ADRA1A: variants seen among roughly 807,000 people sequenced by gnomAD.
ADRA1A encodes the protein alpha-1A adrenergic receptor.
A neutral mutation model predicts 29.6 loss-of-function variants in ADRA1A; 31 were observed. The observed-to-expected ratio is 1.05, with a 90% CI of 0.79 to 1.41. The LOEUF (loss-of-function observed/expected upper bound fraction) is 1.41, where lower values mean the gene tolerates loss of function less well. Ranked by LOEUF, ADRA1A falls within the 40% of genes most tolerant of loss-of-function variation. The pLI, the probability that ADRA1A is intolerant of heterozygous loss-of-function variation, is 0.00. For synonymous variants in ADRA1A, 311 were observed against 254.3 expected (o/e 1.22, Z -2.12); for missense variants, 619 against 601.1 (o/e 1.03, Z -0.31).
At chr8:26,847,203 A>C (rs1244795299) in intron 2 of ADRA1A, among the ~76,000 whole-genome samples, 6 of 152,128 alleles carry the variant, frequency 3.9e-5, no homozygotes, top group Admixed American at 3.9e-4. Context: ...CATGTACCCT[A>C]AAACTTAAAG....
At chr8:26,757,997 AGCCTTGGATACTCTTGTTCTG>A (rs1435998260) in intron 2 of ADRA1A, among the ~76,000 whole-genome samples, 1 of 152,232 alleles carries the variant, frequency 6.6e-6, no homozygotes, top group African/African-American at 2.4e-5. Flanking sequence ...GACAAACGCC[AGCCTTGGATACTCTTGTTCTG>A]GGCTGTCTAC....
intron 2 of ADRA1A, among the ~76,000 whole-genome samples, chr8:26,812,261 A>G (rs968367711): frequency 1.3e-5 from 2 of 152,000 alleles, no homozygotes; most frequent in African/African-American, 4.8e-5. Flanking sequence ...AGCAGTGGCA[A>G]CTCCTGGTGA....
intron 2 of ADRA1A, among the ~76,000 whole-genome samples, chr8:26,833,608 G>T (rs1000600848): frequency 2.6e-5 from 4 of 152,170 alleles, no homozygotes; most frequent in Non-Finnish European, 4.4e-5. Flanking sequence ...AAAACATGTA[G>T]GAACCTGATA....
rs954072507 is a variant in ADRA1A, at chr8:26,866,763, G to T, written c.-687+173C>A. On this transcript the variant is annotated intron_variant, in intron 1 of 2. Transcript: ENST00000380573. The surrounding 1 kb of genome is among the most constrained non-coding windows in gnomAD (Gnocchi z 5.7). ...TAAAAAGACACTTGTTCAGTAGAAG[G>T]CAACTTCGCAGAAGATGTAAGGGAA... is the stretch of plus-strand genomic sequence containing the variant. 2.0e-5 allele frequency among the ~76,000 whole-genome samples: 3 copies of T among 152,216 alleles called. No individual in the cohort carries two copies. Among genetic ancestry groups the T allele is most frequent in the African/African-American group, 7.2e-5 (3 of 41,462 alleles).
intron 2 of ADRA1A, among the ~76,000 whole-genome samples, chr8:26,790,149 T>G (rs1259968687): frequency 6.6e-6 from 1 of 152,184 alleles, no homozygotes; most frequent in Non-Finnish European, 1.5e-5. Context: ...AAGGGATCTC[T>G]GCACTTCTGT....
At position 26,787,421 on chromosome 8, in the gene ADRA1A, T is replaced by C. The variant is rs147635412; in HGVS notation, c.884-16755A>G. 1.9e-3 allele frequency among the ~76,000 whole-genome samples: 297 copies of C among 152,312 alleles called. 1 individual carries two copies. The highest frequency in any genetic ancestry group is 6.7e-3 in the African/African-American group (280 of 41,574). ...GAAAAAAAACCCACACATACTATAT[T>C]CTGTCTGAAAAGACTTTGACAAAAT... On this transcript the variant is annotated intron_variant, in intron 2 of 2. Transcript: ENST00000380573. This position sits in a 1 kb window ranked among gnomAD's most constrained non-coding sequence, Gnocchi z 4.2.
chr8:26,769,702 C>T lies in ADRA1A; in HGVS notation c.*447G>A, dbSNP rs1479415435. 3.0e-6 allele frequency: 3 copies of T among 987,858 alleles called. No individual in the cohort carries two copies. The highest frequency in any genetic ancestry group is 3.6e-6 in the Non-Finnish European group (3 of 831,766). 61.2% of individuals were successfully genotyped at this position (987,858 alleles called of 1,614,324 possible). A position where few individuals can be genotyped will look rare whatever the true frequency, so the allele number is the denominator to read the frequency against. On this transcript the variant is annotated 3_prime_UTR_variant, in exon 3 of 3. Transcript: ENST00000380573. ...AATGCTCTTCCTCTCTAGGCCCTCTCCCCATAAATGTCAAATGTGGCTGTC... is the reference window on the plus strand; with the variant it reads ...AATGCTCTTCCTCTCTAGGCCCTCTTCCCATAAATGTCAAATGTGGCTGTC...
chr8:26,773,980 A>G (rs578238277), intron 2 of ADRA1A, among the ~76,000 whole-genome samples: 2 of 152,360 alleles, frequency 1.3e-5, no homozygotes, highest in East Asian at 3.9e-4. Context: ...AAGAGAGTTG[A>G]TTAAAACTAA....
At chr8:26,748,706 T>C (rs1272082288) in exon 3 of ADRA1A, 3 of 369,646 alleles carry the variant, frequency 8.1e-6, no homozygotes, top group Non-Finnish European at 1.5e-5. Flanking sequence ...TGAGCCAAGA[T>C]CATGCCACTG....
intron 2 of ADRA1A, among the ~76,000 whole-genome samples, chr8:26,749,455 T>C (rs1357546354): frequency 6.6e-6 from 1 of 152,248 alleles, no homozygotes; most frequent in Non-Finnish European, 1.5e-5. Flanking sequence ...CCTTATGTTT[T>C]TCTGTTTTGT....
intron 2 of ADRA1A, among the ~76,000 whole-genome samples, chr8:26,817,358 A>G (rs1305579405): frequency 6.6e-6 from 1 of 152,354 alleles, no homozygotes; most frequent in African/African-American, 2.4e-5. Flanking sequence ...ATGTATTAGG[A>G]TGGCTAAAAC....
At chr8:26,766,989 T>C (rs1805827544), downstream of ADRA1A, among the ~76,000 whole-genome samples, 2 of 152,148 alleles carry the variant, frequency 1.3e-5, no homozygotes, top group South Asian at 2.1e-4. Flanking sequence ...GGATAAGACA[T>C]GAGAGAGGCA....
chr8:26,830,089 C>A (rs893029438), intron 2 of ADRA1A, among the ~76,000 whole-genome samples: 1 of 152,184 alleles, frequency 6.6e-6, no homozygotes, highest in African/African-American at 2.4e-5. Context: ...ATTCTGAGAT[C>A]TGTGTCAGAA....
In ADRA1A at chr8:26,864,736, C is replaced by A. The variant is rs750799570; in HGVS notation, c.234G>T (p.Thr78=). The A allele has an allele frequency of 6.2e-7, 1 of 1,614,140 alleles. No individual in the cohort carries two copies. The highest frequency in any genetic ancestry group is 1.7e-5 in the Admixed American group (1 of 60,022). ...LAVADLLLTS[T]VLPFSAIFEV... ...CGAAGATGGCGGAGAAGGGCAGCACCGTGGAGGTGAGCAGGAGGTCGGCCA... is the reference window on the plus strand; with the variant it reads ...CGAAGATGGCGGAGAAGGGCAGCACAGTGGAGGTGAGCAGGAGGTCGGCCA... The change falls in exon 2 of 3, where the codon ACG becomes ACT. Residue 78 remains threonine (T), a synonymous_variant. Transcript: ENST00000380573. The surrounding 1 kb of genome is among the most constrained non-coding windows in gnomAD (Gnocchi z 8.1).
At chr8:26,762,886 G>A (rs1038558926), downstream of ADRA1A, among the ~76,000 whole-genome samples, 4 of 152,072 alleles carry the variant, frequency 2.6e-5, no homozygotes, top group Non-Finnish European at 5.9e-5. The surrounding 1 kb of genome is among the most constrained non-coding windows in gnomAD (Gnocchi z 4.0). Context: ...TCTCTTCCTC[G>A]TTGCCCATCA....
upstream of ADRA1A, chr8:26,867,328 C>T (rs1215545580): frequency 2.0e-6 from 2 of 985,308 alleles, no homozygotes; most frequent in African/African-American, 3.5e-5. Context: ...CCGTATTACT[C>T]TACGGCAACA....
At chr8:26,767,990 G>T (rs1416419002), downstream of ADRA1A, among the ~76,000 whole-genome samples, 1 of 152,174 alleles carries the variant, frequency 6.6e-6, no homozygotes, top group East Asian at 1.9e-4. Flanking sequence ...GAGAACAGAA[G>T]AGTCTAAAAA....
chr8:26,753,796 T>C (rs1585620156), downstream of ADRA1A, among the ~76,000 whole-genome samples: 2 of 152,290 alleles, frequency 1.3e-5, no homozygotes, highest in East Asian at 3.9e-4. Context: ...ACACCATGAT[T>C]GAAAAACTAG....
At chr8:26,766,106 T>C (rs1455800866), downstream of ADRA1A, 1 of 1,613,650 alleles carries the variant, frequency 6.2e-7, no homozygotes, top group Admixed American at 1.7e-5. Flanking sequence ...ATGCTTGATA[T>C]GCTCTCTGCA....
Sources: gnomAD v4.1 joint callset for allele counts (sites outside exome capture counted in the v4.1 genomes callset) on GRCh38, gnomAD v4.1.1 for gene constraint, Gnocchi (gnomAD v3.1) non-coding constraint, MANE v1.5 for transcripts, NCBI Gene and HGNC (gene_info 2026-07-23, HGNC 2026-07-21) for gene names.